The following MTX2 variants were observed in gnomAD, a reference collection of about 807,000 sequenced individuals.
MTX2 encodes the protein metaxin-2.
MTX2 carries 35 observed loss-of-function variants against 42.3 expected under a neutral mutation model. The ratio of observed to expected loss-of-function variants is 0.83; its 90% confidence interval spans 0.63 to 1.10. MTX2 has a LOEUF of 1.10. MTX2 is among the 50% of genes least tolerant of loss of function. The pLI is 0.00. For missense variants in MTX2, 307 were observed against 304.1 expected (o/e 1.01, Z -0.07); for synonymous variants, 119 against 100.9 (o/e 1.18, Z -1.08).
At chr2:176,278,017 G>A (rs917717390) in intron 1 of MTX2, among the ~76,000 whole-genome samples, 8 of 131,876 alleles carry the variant, frequency 6.1e-5, no homozygotes, top group Non-Finnish European at 1.1e-4. Context: ...TTATTATACT[G>A]TATTGCTGAA....
At chr2:176,292,292 G>A (rs186487030) in intron 1 of MTX2, among the ~76,000 whole-genome samples, 13 of 152,096 alleles carry the variant, frequency 8.5e-5, no homozygotes, top group African/African-American at 2.7e-4. Context: ...AGTAGTTTGT[G>A]GTCTAAAACA....
Position 176,269,640 on chromosome 2 carries a change from TGG to T in MTX2, c.12_13del (p.Ala5GlyfsTer15). ...GGCCTCCCAGCCGACATGTCTCTAG[TGG>T]CGGAAGCCTTCGTCTCCCAGATTGC... On this transcript the variant is annotated frameshift_variant, in exon 1 of 10. Transcript: ENST00000249442. LOFTEE classifies it high-confidence loss of function. 1.3e-6 allele frequency: 2 copies of T among 1,597,084 alleles called. No homozygotes were observed. Among genetic ancestry groups the T allele is most frequent in the Non-Finnish European group, 1.7e-6 (2 of 1,174,584 alleles).
rs571424034 is a variant in MTX2, at chr2:176,318,784, A to C, written c.136-4608A>C. 3.3e-5 allele frequency among the ~76,000 whole-genome samples: 5 copies of C among 152,302 alleles called. No homozygotes were observed. In the East Asian group the frequency reaches 9.7e-4, roughly 29 times the overall value. ...TATGTACTGATTACTGTTGTTATAT[A>C]TCCATGCTGTCTGATAGACATCCAG... On this transcript the variant is annotated intron_variant, in intron 3 of 9. Coordinates refer to ENST00000249442, the MANE Select transcript of MTX2 (RefSeq NM_006554.5).
intron 3 of MTX2, among the ~76,000 whole-genome samples, chr2:176,314,401 C>T (rs994474574): frequency 1.3e-5 from 2 of 151,536 alleles, no homozygotes; most frequent in African/African-American, 4.8e-5. Context: ...TGCACTGCTG[C>T]ACTCCAGCCT....
At chr2:176,273,959 C>A (rs1349118518) in intron 1 of MTX2, among the ~76,000 whole-genome samples, 2 of 150,976 alleles carry the variant, frequency 1.3e-5, no homozygotes, top group Non-Finnish European at 2.9e-5. Context: ...GTTGGTTTCT[C>A]ATTGTCAGTA....
At chr2:176,275,124 T>G (rs1037248448) in intron 1 of MTX2, among the ~76,000 whole-genome samples, 23 of 152,336 alleles carry the variant, frequency 1.5e-4, no homozygotes, top group Non-Finnish European at 5.9e-5. Context: ...TTGGAATATA[T>G]TTTTTAAAGT....
At chr2:176,272,428 A>T (rs2105390568) in intron 1 of MTX2, among the ~76,000 whole-genome samples, 1 of 152,320 alleles carries the variant, frequency 6.6e-6, no homozygotes, top group East Asian at 1.9e-4. Flanking sequence ...TTTCTTACAA[A>T]AATTTAAGTT....
chr2:176,276,970 A>G (rs1219232506), intron 1 of MTX2, among the ~76,000 whole-genome samples: 1 of 152,064 alleles, frequency 6.6e-6, no homozygotes, highest in Admixed American at 6.5e-5. Flanking sequence ...GGAATATTCC[A>G]TTTATCTCGT....
intron 1 of MTX2, among the ~76,000 whole-genome samples, chr2:176,283,614 T>C (rs919064545): frequency 6.6e-6 from 1 of 152,196 alleles, no homozygotes. Context: ...TAGCTTGATA[T>C]GAGATAGCAA....
chr2:176,337,714 G>A lies in MTX2; in HGVS notation c.*50G>A. The A allele has an allele frequency of 6.9e-7, 1 of 1,449,820 alleles. No homozygotes were observed. Among genetic ancestry groups the A allele is most frequent in the Non-Finnish European group, 9.2e-7 (1 of 1,087,774 alleles). The allele number at this position is 1,449,820 out of a possible 1,614,324, so 89.8% of individuals were successfully genotyped here. ...TTAACTTTTGAAATATGTTTTACTT[G>A]AATGTTACATTAGATATTGGTGTCA... On this transcript the variant is annotated 3_prime_UTR_variant, in exon 10 of 10. Transcript: ENST00000249442.
At chr2:176,276,817 C>T (rs34773762) in intron 1 of MTX2, among the ~76,000 whole-genome samples, 9,062 of 152,090 alleles carry the variant, frequency 0.06, 302 homozygotes, top group Non-Finnish European at 0.08. Flanking sequence ...TTTATTACTC[C>T]ACCGGTGCCT....
At chr2:176,311,316 G>GC (rs1684298279) in intron 3 of MTX2, among the ~76,000 whole-genome samples, 2 of 152,098 alleles carry the variant, frequency 1.3e-5, no homozygotes, top group Non-Finnish European at 2.9e-5. Context: ...GTGTCTTTCG[G>GC]CCCTTACTGG....
At chr2:176,327,503 TATC>T (rs957551344) in intron 5 of MTX2, among the ~76,000 whole-genome samples, 2 of 150,532 alleles carry the variant, frequency 1.3e-5, no homozygotes, top group African/African-American at 4.8e-5. Context: ...TGTAGGTATA[TATC>T]ATCCTTTCAC....
intron 3 of MTX2, among the ~76,000 whole-genome samples, chr2:176,310,865 GT>G (rs1684286922): frequency 6.6e-6 from 1 of 152,126 alleles, no homozygotes; most frequent in African/African-American, 2.4e-5. Context: ...TCTTGCAGTA[GT>G]TTGTTATTAC....
intron 8 of MTX2, among the ~76,000 whole-genome samples, 184 bp from the exon 9 acceptor site, chr2:176,330,400 T>C (rs1328505071): frequency 6.7e-6 from 1 of 149,692 alleles, no homozygotes; most frequent in Non-Finnish European, 1.5e-5. Context: ...GTATTTCTTA[T>C]AAGTATTTCT....
At position 176,337,542 on chromosome 2, in the gene MTX2, AC is replaced by A; in HGVS notation, c.672del (p.Thr225HisfsTer3). On this transcript the variant is annotated frameshift_variant, in exon 10 of 10. Transcript: ENST00000249442. LOFTEE classifies it high-confidence loss of function. ...ATTTGGCCATCTATACACCATTCTT[AC>A]CACACAATTGACAAATGATGAACTT... ...LVFGHLYTILTTQLTNDELSE... is the reference protein window; with the variant it reads ...LVFGHLYTILXTQLTNDELSE... 1 of 1,613,236 alleles carries A rather than the reference AC, an allele frequency of 6.2e-7. No individual in the cohort carries two copies. The highest frequency in any genetic ancestry group is 2.2e-5 in the East Asian group (1 of 44,846).
At chr2:176,313,322 G>A (rs1364542431) in intron 3 of MTX2, among the ~76,000 whole-genome samples, 1 of 150,936 alleles carries the variant, frequency 6.6e-6, no homozygotes, top group Non-Finnish European at 1.5e-5. Flanking sequence ...CAGTTCCCAG[G>A]ATTCTACCCA....
At chr2:176,309,089 G>T (rs1684226946) in intron 3 of MTX2, among the ~76,000 whole-genome samples, 1 of 152,092 alleles carries the variant, frequency 6.6e-6, no homozygotes. Flanking sequence ...CTGATATGTT[G>T]TGTCTTTGTT....
intron 3 of MTX2, among the ~76,000 whole-genome samples, chr2:176,301,249 T>C (rs1264252427): frequency 6.6e-6 from 1 of 152,142 alleles, no homozygotes; most frequent in African/African-American, 2.4e-5. Context: ...ATGACCCTAG[T>C]GCACAGTACT....
Sources: gnomAD v4.1 joint callset for allele counts (sites outside exome capture counted in the v4.1 genomes callset) on GRCh38, gnomAD v4.1.1 for gene constraint, MANE v1.5 for transcripts, NCBI Gene and HGNC (gene_info 2026-07-23, HGNC 2026-07-21) for gene names.